The following LRRTM3 variants were observed in gnomAD, a reference collection of about 807,000 sequenced individuals.
LRRTM3 encodes leucine-rich repeat transmembrane neuronal protein 3.
LRRTM3 carries 24 observed loss-of-function variants against 44.7 expected under a neutral mutation model. The ratio of observed to expected loss-of-function variants is 0.54; its 90% CI spans 0.39 to 0.76. The LOEUF is 0.76. Among genes scored for constraint, LRRTM3 ranks in the 30% least tolerant of loss-of-function variants. The pLI, the probability that LRRTM3 is intolerant of heterozygous loss-of-function variation, is 0.00. For missense variants in LRRTM3, 587 were observed against 702.2 expected, an observed-to-expected ratio of 0.84 and a Z score of 1.85; for synonymous variants, 277 against 278.7, an observed-to-expected ratio of 0.99 and a Z score of 0.06.
intron 2 of LRRTM3, among the ~76,000 whole-genome samples, chr10:67,084,264 C>T (rs1439382321): frequency 6.6e-6 from 1 of 151,876 alleles, no homozygotes; most frequent in Admixed American, 6.6e-5. Context: ...AAATCTACAC[C>T]TGGAGTGAGA....
chr10:67,068,361 G>C (rs1856220904), intron 2 of LRRTM3, among the ~76,000 whole-genome samples: 1 of 152,154 alleles, frequency 6.6e-6, no homozygotes, highest in Admixed American at 6.5e-5. Flanking sequence ...TTGGGGGAAA[G>C]GTAGGAATTC....
intron 2 of LRRTM3, among the ~76,000 whole-genome samples, chr10:66,968,581 C>G (rs1849559073): frequency 6.6e-6 from 1 of 151,926 alleles, no homozygotes; most frequent in African/African-American, 2.4e-5. Context: ...AAGGTTGTCT[C>G]CTCAGTGCCT....
intron 2 of LRRTM3, among the ~76,000 whole-genome samples, chr10:67,097,065 A>G (rs1409469196): frequency 1.2e-4 from 18 of 151,878 alleles, no homozygotes; most frequent in Non-Finnish European, 2.7e-4. Context: ...GGAACTTGTA[A>G]GACATGTGGA....
chr10:66,987,736 T>C (rs1850813793), intron 2 of LRRTM3, among the ~76,000 whole-genome samples: 1 of 152,178 alleles, frequency 6.6e-6, no homozygotes, highest in South Asian at 2.1e-4. Flanking sequence ...GCTGGCAAAA[T>C]AAAAATTATG....
At chr10:67,060,923 C>G (rs2394320) in intron 2 of LRRTM3, among the ~76,000 whole-genome samples, 8,375 of 152,152 alleles carry the variant, frequency 0.055, 336 homozygotes, top group South Asian at 0.19. Flanking sequence ...ACTAGCCTAT[C>G]TTGACTGGTA....
intron 2 of LRRTM3, among the ~76,000 whole-genome samples, chr10:67,018,491 G>C (rs982182984): frequency 1.3e-5 from 2 of 152,192 alleles, no homozygotes; most frequent in African/African-American, 4.8e-5. Context: ...TAGTACAACT[G>C]TTATAAACAT....
At chr10:66,992,894 A>T (rs545318874) in intron 2 of LRRTM3, among the ~76,000 whole-genome samples, 3 of 152,266 alleles carry the variant, frequency 2.0e-5, no homozygotes, top group African/African-American at 7.2e-5. Flanking sequence ...ATCCTCTTCA[A>T]TTTGACCATT....
intron 2 of LRRTM3, among the ~76,000 whole-genome samples, chr10:66,986,147 C>T (rs1589550323): frequency 6.6e-6 from 1 of 152,096 alleles, no homozygotes; most frequent in Admixed American, 6.6e-5. Context: ...TCAGTATGTC[C>T]CAGAGATTAA....
intron 1 of LRRTM3, 67 bp from the exon 2 acceptor site, chr10:66,926,853 AT>A (rs1411961181): frequency 7.3e-7 from 1 of 1,373,390 alleles, no homozygotes; most frequent in Admixed American, 2.6e-5. Flanking sequence ...ATATATGCCT[AT>A]TTTTGCTTGA....
intron 1 of LRRTM3, 82 bp from the exon 2 acceptor site, chr10:66,926,838 GA>G: frequency 8.1e-7 from 1 of 1,236,080 alleles, no homozygotes; most frequent in Non-Finnish European, 1.1e-6. Context: ...TTTTAAAAAT[GA>G]AAAATATATG....
chr10:67,042,836 C>A (rs1324204648), intron 2 of LRRTM3, among the ~76,000 whole-genome samples: 2 of 152,018 alleles, frequency 1.3e-5, no homozygotes, highest in African/African-American at 2.4e-5. Flanking sequence ...TAATTTAGTT[C>A]CAATGGAAAT....
chr10:66,994,650 C>CA (rs1222679520), intron 2 of LRRTM3, among the ~76,000 whole-genome samples: 1 of 152,106 alleles, frequency 6.6e-6, no homozygotes, highest in Non-Finnish European at 1.5e-5. Flanking sequence ...AAATTGCTGA[C>CA]AAAATCATGA....
chr10:67,015,895 G>T (rs1852625626), intron 2 of LRRTM3, among the ~76,000 whole-genome samples: 1 of 151,804 alleles, frequency 6.6e-6, no homozygotes. Context: ...CTATGCTTGT[G>T]ACTTTGTTTT....
chr10:67,049,803 T>C (rs991059652), intron 2 of LRRTM3, among the ~76,000 whole-genome samples: 2 of 152,144 alleles, frequency 1.3e-5, no homozygotes, highest in African/African-American at 4.8e-5. Context: ...GGTCAAAGAT[T>C]AAATGTAGGT....
At chr10:66,997,947 A>G (rs1038013685) in intron 2 of LRRTM3, among the ~76,000 whole-genome samples, 1 of 152,108 alleles carries the variant, frequency 6.6e-6, no homozygotes, top group African/African-American at 2.4e-5. Flanking sequence ...TTCCTCTTCA[A>G]GTTCACTACC....
chr10:67,001,243 G>C (rs1213454465), intron 2 of LRRTM3, among the ~76,000 whole-genome samples: 6 of 150,190 alleles, frequency 4.0e-5, no homozygotes. Flanking sequence ...GGAGGTTGCA[G>C]TGAGCCGAGA....
At chr10:67,073,726 C>T (rs923907030) in intron 2 of LRRTM3, among the ~76,000 whole-genome samples, 2 of 151,904 alleles carry the variant, frequency 1.3e-5, no homozygotes, top group Non-Finnish European at 2.9e-5. Flanking sequence ...AAATCAAAGA[C>T]AGATAAACAA....
In LRRTM3 at chr10:67,101,324, A is replaced by G. The variant is rs2131944711; in HGVS notation, c.*3528A>G. 6.6e-6 allele frequency among the ~76,000 whole-genome samples: 1 copy of G among 151,882 alleles called. No individual in the cohort carries two copies. The highest frequency in any genetic ancestry group is 2.4e-5 in the African/African-American group (1 of 41,512). On this transcript the variant is annotated 3_prime_UTR_variant, in exon 3 of 3. Coordinates refer to ENST00000361320, the MANE Select transcript of LRRTM3 (RefSeq NM_178011.5). The stretch of plus-strand genomic sequence containing the variant: ...ACATGTTCAACACTTTGTCAACTGA[A>G]CACATGTTCAATTCGGAGCTAATTG...
At chr10:66,989,434 T>C (rs1850921033) in intron 2 of LRRTM3, among the ~76,000 whole-genome samples, 1 of 152,204 alleles carries the variant, frequency 6.6e-6, no homozygotes. Flanking sequence ...ATTAGACTAC[T>C]TTAATAGCTG....
Sources: gnomAD v4.1 joint callset for allele counts (sites outside exome capture counted in the v4.1 genomes callset) on GRCh38, gnomAD v4.1.1 for gene constraint, MANE v1.5 for transcripts, NCBI Gene and HGNC (gene_info 2026-07-23, HGNC 2026-07-21) for gene names.